The following WNK4 variants were observed in gnomAD, a reference collection of about 807,000 sequenced individuals.
The protein encoded by WNK4 is serine/threonine-protein kinase WNK4.
A neutral mutation model predicts 116.2 loss-of-function variants in WNK4; 94 were observed. That is an observed-to-expected ratio of 0.81 (90% CI 0.68 to 0.96). The LOEUF (loss-of-function observed/expected upper bound fraction) is 0.96, where lower values mean the gene tolerates loss of function less well. Among genes scored for constraint, WNK4 ranks in the 40% least tolerant of loss-of-function variants. WNK4 has a pLI of 0.00. For missense variants in WNK4, 1,542 were observed against 1,650.6 expected (o/e 0.93, Z 1.14); for synonymous variants, 655 against 672.7 (o/e 0.97, Z 0.41).
Position 42,785,138 on chromosome 17 carries a change from G to A in WNK4, c.1212G>A (p.Glu404=). The A allele has an allele frequency of 1.9e-6, 3 of 1,613,994 alleles. No homozygotes were observed. The highest frequency in any genetic ancestry group is 1.3e-5 in the African/African-American group (1 of 75,050). ...PNSFHKVKIP[E]VKEIIEGCIR... ...GCTTCCACAAGGTGAAGATACCCGA[G>A]GTGAAGGAGATCATTGAAGGCTGCA... The change falls in exon 5 of 19, where the codon GAG becomes GAA. Residue 404 remains glutamate (E), a synonymous_variant. Transcript: ENST00000246914.
At position 42,795,129 on chromosome 17, in the gene WNK4, C is replaced by T; in HGVS notation, c.2708C>T (p.Ser903Phe). 6.2e-7 allele frequency: 1 copy of T among 1,614,076 alleles called. No homozygotes were observed. Among genetic ancestry groups the T allele is most frequent in the Non-Finnish European group, 8.5e-7 (1 of 1,180,012 alleles). The change falls in exon 14 of 19, where the codon TCC becomes TTC. Residue 903 changes from serine (S) to phenylalanine (F), a missense_variant. Ser to Phe is a radical substitution (Grantham distance 155, BLOSUM62 -2). This residue lies in a region of WNK4 where 292 missense variants were observed against 290.1 expected (regional missense o/e 1.01). Transcript: ENST00000246914. ...ACTTGTTCTCAGGTCACTCTTAGTT[C>T]CCCTTTCTTTCCTCCGTGCCCCTCC... ...SPTCSQVTLS[S>F]PFFPPCPSTS...
intron 9 of WNK4, 25 bp downstream of exon 9, chr17:42,788,213 G>A: frequency 6.2e-7 from 1 of 1,614,054 alleles, no homozygotes; most frequent in Non-Finnish European, 8.5e-7. Flanking sequence ...AAGTTGGGGT[G>A]CCAGGGTGAG....
Position 42,783,990 on chromosome 17 carries a change from G to A in WNK4, c.845G>A (p.Arg282His), listed in dbSNP as rs754121242. 1.4e-5 allele frequency: 22 copies of A among 1,613,974 alleles called. No homozygotes were observed. The highest frequency in any genetic ancestry group is 1.8e-5 in the Non-Finnish European group (21 of 1,180,020). Reference sequence around the variant, plus strand: ...CCGCGGGTCCTTCAGCGCTGGAGCCGCCAAATCCTGCGGGGACTTCATTTC... The same window carrying A: ...CCGCGGGTCCTTCAGCGCTGGAGCCACCAAATCCTGCGGGGACTTCATTTC... Reference protein sequence around the residue: ...MKPRVLQRWSRQILRGLHFLH... With the variant: ...MKPRVLQRWSHQILRGLHFLH... The change falls in exon 3 of 19, where the codon CGC becomes CAC. Residue 282 changes from arginine to histidine, a missense_variant. Around this residue, in one of 7 missense-constraint regions of WNK4, gnomAD observed 808 missense variants for 873.6 expected, o/e 0.92. Transcript: ENST00000246914.
chr17:42,795,885 C>T lies in WNK4; in HGVS notation c.3283C>T (p.Gln1095Ter), dbSNP rs759694534. Residue 1095 changes from glutamine to a stop codon, truncating the protein, a stop_gained, in exon 16 of 19, where the codon CAA (glutamine) becomes TAA (stop). Coordinates refer to ENST00000246914, the MANE Select transcript of WNK4 (RefSeq NM_032387.5). LOFTEE classifies it high-confidence loss of function. ...EEEGDDGKEP[Q>*]VGGSPQPLSH... is the part of the protein sequence containing the mutation. ...GGAAGGAGATGATGGGAAGGAACCCCAAGTTGGGGGCAGCCCCCAACCCCT... is the reference window on the plus strand; with the variant it reads ...GGAAGGAGATGATGGGAAGGAACCCTAAGTTGGGGGCAGCCCCCAACCCCT... The T allele has an allele frequency of 3.7e-6, 6 of 1,611,818 alleles. No individual in the cohort carries two copies. In the Admixed American group the frequency reaches 1.0e-4, roughly 27 times the overall value.
chr17:42,784,712 G>A lies in WNK4; in HGVS notation c.1170+133G>A. The A allele has an allele frequency of 8.5e-7, 1 of 1,175,856 alleles. No individual in the cohort carries two copies. The highest frequency in any genetic ancestry group is 1.2e-6 in the Non-Finnish European group (1 of 817,638). The allele number at this position is 1,175,856 out of a possible 1,614,324, so 72.8% of individuals were successfully genotyped here. A position where few individuals can be genotyped will look rare whatever the true frequency, so the allele number is the denominator to read the frequency against. On this transcript the variant is annotated intron_variant, in intron 4 of 18. Transcript: ENST00000246914. This position sits in a 1 kb window ranked among gnomAD's most constrained non-coding sequence, Gnocchi z 4.4. ...ACACAGAGTCGCCTTGGTGAACACA[G>A]AAGGATATTGAGTGCACACGCGCCC...
In WNK4 at chr17:42,783,919, C is replaced by A. The variant is rs977386621; in HGVS notation, c.792-18C>A. 26 of 1,608,730 alleles carry A rather than the reference C, an allele frequency of 1.6e-5. No individual in the cohort carries two copies. Among genetic ancestry groups the A allele is most frequent in the Non-Finnish European group, 2.2e-5 (26 of 1,178,010 alleles). On this transcript the variant is annotated intron_variant, in intron 2 of 18. Coordinates refer to ENST00000246914, the MANE Select transcript of WNK4 (RefSeq NM_032387.5). The stretch of plus-strand genomic sequence containing the variant: ...ACGTGTCCCCCCACCAGGACTCTGG[C>A]TATGCGCCCTCCCCCAGGTACCTGA...
intron 11 of WNK4, among the ~76,000 whole-genome samples, chr17:42,791,739 C>G (rs979685484): frequency 1.3e-5 from 2 of 151,910 alleles, no homozygotes; most frequent in African/African-American, 4.8e-5. Context: ...GCAGGTAGAT[C>G]ACTTGAGGTC....
At position 42,784,703 on chromosome 17, in the gene WNK4, G is replaced by C; in HGVS notation, c.1170+124G>C. 7.8e-7 allele frequency: 1 copy of C among 1,289,050 alleles called. No homozygotes were observed. The highest frequency in any genetic ancestry group is 1.1e-6 in the Non-Finnish European group (1 of 917,004). 79.9% of individuals were successfully genotyped at this position (1,289,050 alleles called of 1,614,324 possible). Reference sequence around the variant, plus strand: ...ACAGGCTAGACACAGAGTCGCCTTGGTGAACACAGAAGGATATTGAGTGCA... The same window carrying C: ...ACAGGCTAGACACAGAGTCGCCTTGCTGAACACAGAAGGATATTGAGTGCA... On this transcript the variant is annotated intron_variant, in intron 4 of 18. Transcript: ENST00000246914. This position sits in a 1 kb window ranked among gnomAD's most constrained non-coding sequence, Gnocchi z 4.4.
chr17:42,791,102 C>G (rs904507698), intron 11 of WNK4, among the ~76,000 whole-genome samples: 1 of 152,096 alleles, frequency 6.6e-6, no homozygotes, highest in Non-Finnish European at 1.5e-5. Flanking sequence ...TTCAAGTCCC[C>G]TCTGATCCTG....
Position 42,784,000 on chromosome 17 carries a change from G to A in WNK4, c.855G>A (p.Leu285=), listed in dbSNP as rs965461274. 6.2e-7 allele frequency: 1 copy of A among 1,614,076 alleles called. No individual in the cohort carries two copies. Among genetic ancestry groups the A allele is most frequent in the Non-Finnish European group, 8.5e-7 (1 of 1,180,036 alleles). ...RVLQRWSRQI[L]RGLHFLHSRV... ...TTCAGCGCTGGAGCCGCCAAATCCT[G>A]CGGGGACTTCATTTCCTACACTCCC... Residue 285 remains leucine (L), a synonymous_variant, in exon 3 of 19, where the codon CTG becomes CTA. Coordinates refer to ENST00000246914, the MANE Select transcript of WNK4 (RefSeq NM_032387.5).
In WNK4 at chr17:42,784,647, C is replaced by G. The variant is rs982026645; in HGVS notation, c.1170+68C>G. 2 of 1,594,390 alleles carry G rather than the reference C, an allele frequency of 1.3e-6. No individual in the cohort carries two copies. The highest frequency in any genetic ancestry group is 1.3e-5 in the African/African-American group (1 of 74,546). On this transcript the variant is annotated intron_variant, in intron 4 of 18. Transcript: ENST00000246914. This position sits in a 1 kb window ranked among gnomAD's most constrained non-coding sequence, Gnocchi z 4.4. ...CTTCCCCTTTTCCTGCGCCGGCCAG[C>G]CCGCAGTCAATGCCCTTTGCCTGCA...
rs1597895837 is a variant in WNK4, at chr17:42,784,603, A to C, written c.1170+24A>C. ...CGGTGAGAGGGATGGGGCTGGCGGG[A>C]AAGGCAATTCCAGGGCCACTTCCCC... On this transcript the variant is annotated intron_variant, in intron 4 of 18. Coordinates refer to ENST00000246914, the MANE Select transcript of WNK4 (RefSeq NM_032387.5). The surrounding 1 kb of genome is among the most constrained non-coding windows in gnomAD (Gnocchi z 4.4). 1 of 1,613,762 alleles carries C rather than the reference A, an allele frequency of 6.2e-7. No individual in the cohort carries two copies. Among genetic ancestry groups the C allele is most frequent in the Non-Finnish European group, 8.5e-7 (1 of 1,179,948 alleles).
Position 42,795,361 on chromosome 17 carries a change from C to A in WNK4, c.2940C>A (p.His980Gln). The A allele has an allele frequency of 6.2e-7, 1 of 1,614,110 alleles. No homozygotes were observed. Among genetic ancestry groups the A allele is most frequent in the Non-Finnish European group, 8.5e-7 (1 of 1,180,034 alleles). ...APGGQESPSP[H>Q]TAEVESEASP... ...GTGGCCAGGAAAGCCCTTCACCCCA[C>A]ACAGCTGAGGTGGAGAGTGAGGTGA... The change falls in exon 14 of 19, where the codon CAC becomes CAA. Residue 980 changes from histidine to glutamine, a missense_variant. By Grantham distance (24) the His-to-Gln change is conservative. This residue lies in a region of WNK4 where 292 missense variants were observed against 290.1 expected (regional missense o/e 1.01). Transcript: ENST00000246914.
chr17:42,794,907 T>TCTC lies in WNK4; in HGVS notation c.2487_2488insTCC (p.Phe829_Pro830insSer). 3 of 1,610,142 alleles carry TCTC rather than the reference T, an allele frequency of 1.9e-6. No homozygotes were observed. The highest frequency in any genetic ancestry group is 2.5e-6 in the Non-Finnish European group (3 of 1,178,434). On this transcript the variant is annotated inframe_insertion, in exon 14 of 19. Transcript: ENST00000246914. Reference sequence around the variant, plus strand: ...ACCCCCATTTCCCCAGGTCCCATCTTCCCCATCACTTCTCCCCCATGTCAT... The same window carrying TCTC: ...ACCCCCATTTCCCCAGGTCCCATCTTCTCCCCCATCACTTCTCCCCCATGTCAT...
rs1019913576 is a variant in WNK4 at position 42,796,364 on chromosome 17, C to T, written c.3631+42C>T. Reference sequence around the variant, plus strand: ...CCAGCTTCCATCTTTTCCCTGAGACCCCTTTCTGTCGACTGTTTTTCTCCA... The same window carrying T: ...CCAGCTTCCATCTTTTCCCTGAGACTCCTTTCTGTCGACTGTTTTTCTCCA... On this transcript the variant is annotated intron_variant, in intron 17 of 18. Coordinates refer to ENST00000246914, the MANE Select transcript of WNK4 (RefSeq NM_032387.5). 3.7e-6 allele frequency: 6 copies of T among 1,609,638 alleles called. No homozygotes were observed. In the South Asian group the frequency reaches 5.5e-5, roughly 15 times the overall value.
chr17:42,781,794 C>G (rs2054486504), intron 1 of WNK4, among the ~76,000 whole-genome samples: 1 of 152,172 alleles, frequency 6.6e-6, no homozygotes, highest in Non-Finnish European at 1.5e-5. Context: ...ATCTCCAACT[C>G]CAGAAGATTT....
intron 15 of WNK4, 42 bp from the exon 16 acceptor site, chr17:42,795,583 C>G (rs1329426276): frequency 6.2e-7 from 1 of 1,614,250 alleles, no homozygotes; most frequent in East Asian, 2.2e-5. Flanking sequence ...TGTCCTGTCA[C>G]TGCTCTCCTT....
In WNK4 at chr17:42,796,215, T is replaced by C. The variant is rs766730663; in HGVS notation, c.3524T>C (p.Ile1175Thr). Residue 1175 changes from isoleucine to threonine, a missense_variant, in exon 17 of 19, where the codon ATT (isoleucine) becomes ACT (threonine). Coordinates refer to ENST00000246914, the MANE Select transcript of WNK4 (RefSeq NM_032387.5). ...CTGGGGAAGCAGCCCCCACCGGGTATTGTGGCCCCAGCTGCTATGCTGTCC... is the reference window on the plus strand; with the variant it reads ...CTGGGGAAGCAGCCCCCACCGGGTACTGTGGCCCCAGCTGCTATGCTGTCC... ...SRLGKQPPPG[I>T]VAPAAMLSSR... 1 of 1,613,898 alleles carries C rather than the reference T, an allele frequency of 6.2e-7. No individual in the cohort carries two copies. Among genetic ancestry groups the C allele is most frequent in the Non-Finnish European group, 8.5e-7 (1 of 1,179,950 alleles).
chr17:42,785,570 G>A lies in WNK4; in HGVS notation c.1476+88G>A. 5 of 1,483,578 alleles carry A rather than the reference G, an allele frequency of 3.4e-6. No homozygotes were observed. In the South Asian group the frequency reaches 4.9e-5, roughly 14 times the overall value. The allele number at this position is 1,483,578 out of a possible 1,614,324, so 91.9% of individuals were successfully genotyped here. Reference sequence around the variant, plus strand: ...TGCAACAGGGATGGGGCGCAGGAGGGGTGGCAGCGATGGGGGCGGGGCACC... The same window carrying A: ...TGCAACAGGGATGGGGCGCAGGAGGAGTGGCAGCGATGGGGGCGGGGCACC... On this transcript the variant is annotated intron_variant, in intron 6 of 18. Coordinates refer to ENST00000246914, the MANE Select transcript of WNK4 (RefSeq NM_032387.5).
Sources: allele counts gnomAD v4.1 joint callset (sites outside exome capture counted in the v4.1 genomes callset), GRCh38; gene constraint gnomAD v4.1.1; regional missense constraint gnomAD v4.1.1; non-coding constraint Gnocchi (gnomAD v3.1); transcripts MANE v1.5; gene names NCBI Gene and HGNC (gene_info 2026-07-23, HGNC 2026-07-21).